The following MTHFD1 variants were observed in gnomAD, a reference collection of about 807,000 sequenced individuals.
MTHFD1 encodes C-1-tetrahydrofolate synthase, cytoplasmic.
A neutral mutation model predicts 110.3 loss-of-function variants in MTHFD1; 44 were observed. The ratio of observed to expected loss-of-function variants is 0.40; its 90% CI spans 0.31 to 0.51. MTHFD1 has a LOEUF of 0.51. Among genes scored for constraint, MTHFD1 ranks in the 20% least tolerant of loss-of-function variants. MTHFD1 has a pLI of 0.60. For synonymous variants in MTHFD1, 402 were observed against 428.8 expected (o/e 0.94, Z 0.77); for missense variants, 909 against 1,173.1 (o/e 0.77, Z 3.29).
At chr14:64,449,392 TTC>T (rs2078335449) in intron 23 of MTHFD1, 51 bp from the exon 24 acceptor site, 3 of 1,592,006 alleles carry the variant, frequency 1.9e-6, no homozygotes, top group Non-Finnish European at 2.6e-6. Context: ...AAGAAGACAA[TTC>T]TGTCTCTCCA....
intron 3 of MTHFD1, 78 bp downstream of exon 3, chr14:64,411,227 TC>T (rs1269557506): frequency 2.7e-6 from 3 of 1,124,284 alleles, no homozygotes; most frequent in Non-Finnish European, 4.0e-6. Flanking sequence ...CCCTTTTTGG[TC>T]CTCCCTGTGA....
intron 24 of MTHFD1, among the ~76,000 whole-genome samples, chr14:64,451,886 A>G (rs1367647078): frequency 6.6e-6 from 1 of 152,238 alleles, no homozygotes; most frequent in Non-Finnish European, 1.5e-5. Context: ...ATCTTTATAA[A>G]GTCCTTATTG....
rs35960360 is a variant in MTHFD1 at position 64,441,802 on chromosome 14, C to CAA, written c.1885-235_1885-234dup. The CAA allele has an allele frequency of 4.9e-3, 2,359 of 482,370 alleles. 19 individuals carry two copies. The highest frequency in any genetic ancestry group is 0.04 in the African/African-American group (1,627 of 41,170). The allele number at this position is 482,370 out of a possible 1,614,324, so 29.9% of individuals were successfully genotyped here. On this transcript the variant is annotated intron_variant, in intron 19 of 27. Transcript: ENST00000652337. ...TGGGCGACAGAGCGAGACTCCGTGT[C>CAA]AAAAAAAAAAAAAAAAAATTAAGCA...
Position 64,456,304 on chromosome 14 carries a change from A to G in MTHFD1, c.2718+1429A>G, listed in dbSNP as rs535022557. Among the ~76,000 whole-genome samples the G allele has an allele frequency of 3.3e-5, 5 of 152,320 alleles. No individual in the cohort carries two copies. The South Asian group carries it at 1.0e-3, about 32-fold the overall frequency. Reference sequence around the variant, plus strand: ...TTTCCACACATGATCAAATGGTTTAATCACTATTCTAACACCTTCCAGTTG... The same window carrying G: ...TTTCCACACATGATCAAATGGTTTAGTCACTATTCTAACACCTTCCAGTTG... On this transcript the variant is annotated intron_variant, in intron 26 of 27. Transcript: ENST00000652337.
chr14:64,452,795 T>C (rs2078395800), intron 24 of MTHFD1, among the ~76,000 whole-genome samples: 1 of 152,254 alleles, frequency 6.6e-6, no homozygotes, highest in African/African-American at 2.4e-5. Flanking sequence ...GGTTGTCTTA[T>C]TTCATAAACA....
At chr14:64,418,266 T>C (rs987410845) in intron 7 of MTHFD1, among the ~76,000 whole-genome samples, 1 of 151,634 alleles carries the variant, frequency 6.6e-6, no homozygotes, top group Non-Finnish European at 1.5e-5. Flanking sequence ...CTGGGCAACA[T>C]AGTGAGACGC....
chr14:64,415,299 T>C, intron 4 of MTHFD1, 59 bp from the exon 5 acceptor site: 1 of 1,510,220 alleles, frequency 6.6e-7, no homozygotes, highest in Non-Finnish European at 9.2e-7. Flanking sequence ...TTAGAAAGTG[T>C]TTCTTCCTAC....
At chr14:64,439,859 A>G (rs1184369979) in intron 17 of MTHFD1, among the ~76,000 whole-genome samples, 1 of 140,774 alleles carries the variant, frequency 7.1e-6, no homozygotes, top group African/African-American at 2.7e-5. Flanking sequence ...GTGCCACTGC[A>G]CTCCAGCCTG....
intron 8 of MTHFD1, among the ~76,000 whole-genome samples, chr14:64,422,532 T>C (rs923994171): frequency 4.6e-5 from 7 of 152,168 alleles, no homozygotes; most frequent in Admixed American, 4.6e-4. Flanking sequence ...CCTGCTTGGC[T>C]TACTAAAGAT....
chr14:64,421,842 G>A (rs932037304), intron 8 of MTHFD1, among the ~76,000 whole-genome samples: 4 of 152,128 alleles, frequency 2.6e-5, no homozygotes, highest in South Asian at 2.1e-4. Context: ...AGCCAGGATG[G>A]TCTCGATCTC....
intron 12 of MTHFD1, among the ~76,000 whole-genome samples, chr14:64,429,356 T>C (rs2078141817): frequency 6.6e-6 from 1 of 150,418 alleles, no homozygotes; most frequent in Non-Finnish European, 1.5e-5. Context: ...AGTCTTGCTC[T>C]GTCTGGAGTC....
In MTHFD1 at chr14:64,424,908, A is replaced by G; in HGVS notation, c.832A>G (p.Met278Val). The G allele has an allele frequency of 1.9e-6, 3 of 1,614,224 alleles. No individual in the cohort carries two copies. The highest frequency in any genetic ancestry group is 1.1e-5 in the South Asian group (1 of 91,082). ...ITPVPGGVGP[M>V]TVAMLMQSTV... ...TCCTGTTCCTGGCGGCGTAGGGCCC[A>G]TGACAGTTGCAATGCTCATGCAGGT... The change falls in exon 9 of 28, where the codon ATG (methionine) becomes GTG (valine). Residue 278 changes from methionine (M) to valine (V), a missense_variant. Around this residue, in one of 3 missense-constraint regions of MTHFD1, gnomAD observed 424 missense variants for 510.4 expected, o/e 0.83. Coordinates refer to ENST00000652337, the MANE Select transcript of MTHFD1 (RefSeq NM_005956.4).
chr14:64,430,098 TACAATAATGC>T, intron 12 of MTHFD1, 76 bp from the exon 13 acceptor site: 1 of 1,139,954 alleles, frequency 8.8e-7, no homozygotes, highest in East Asian at 2.3e-5. Context: ...GCTTAGTAGT[TACAATAATGC>T]ATTTGCATTT....
At chr14:64,388,841 G>A (rs2077783742) in intron 1 of MTHFD1, 2 of 403,032 alleles carry the variant, frequency 5.0e-6, no homozygotes, top group Non-Finnish European at 9.2e-6. Context: ...AGTAGATGGA[G>A]ACTAGTGAGG....
intron 2 of MTHFD1, among the ~76,000 whole-genome samples, chr14:64,407,154 C>A (rs529794119): frequency 1.3e-5 from 2 of 152,082 alleles, no homozygotes; most frequent in East Asian, 3.9e-4. Flanking sequence ...GAAATTAAGA[C>A]TTGACTTTTC....
In MTHFD1 at chr14:64,453,772, A is replaced by G. The variant is rs750183005; in HGVS notation, c.2476A>G (p.Ile826Val). The change falls in exon 25 of 28, where the codon ATC (isoleucine) becomes GTC (valine). Residue 826 changes from isoleucine to valine, a missense_variant. Transcript: ENST00000652337. Reference protein sequence around the residue: ...YDLKLPVEDKIRIIAQKIYGA... With the variant: ...YDLKLPVEDKVRIIAQKIYGA... ...GCATTAGCTCCCAGTTGAGGATAAAATCAGGATCATTGCACAGAAGATCTA... is the reference window on the plus strand; with the variant it reads ...GCATTAGCTCCCAGTTGAGGATAAAGTCAGGATCATTGCACAGAAGATCTA... 3.1e-6 allele frequency: 5 copies of G among 1,610,074 alleles called. No homozygotes were observed. The East Asian group carries it at 1.1e-4, about 36-fold the overall frequency.
At chr14:64,449,158 A>C (rs1306202714) in intron 23 of MTHFD1, 2 of 455,798 alleles carry the variant, frequency 4.4e-6, no homozygotes, top group African/African-American at 2.0e-5. Flanking sequence ...GAATTTTCCA[A>C]GTATTTTACA....
chr14:64,425,994 A>G (rs1425620155), intron 10 of MTHFD1, 25 bp from the exon 11 acceptor site: 1 of 1,613,224 alleles, frequency 6.2e-7, no homozygotes, highest in Non-Finnish European at 8.5e-7. Flanking sequence ...ATAAACATTA[A>G]TACCTATTTT....
chr14:64,418,076 G>T (rs1424443453), intron 7 of MTHFD1, 52 bp downstream of exon 7: 2 of 1,603,458 alleles, frequency 1.2e-6, no homozygotes, highest in Admixed American at 3.3e-5. Flanking sequence ...GGGTGGGTGT[G>T]CCAGAGGCTG....
Sources: allele counts gnomAD v4.1 joint callset (sites outside exome capture counted in the v4.1 genomes callset), GRCh38; gene constraint gnomAD v4.1.1; regional missense constraint gnomAD v4.1.1; transcripts MANE v1.5; gene names NCBI Gene and HGNC (gene_info 2026-07-23, HGNC 2026-07-21).